Variants in ZNF711 observed in about 807,000 individuals in gnomAD.
ZNF711 encodes the protein ZFX family zinc finger ZNF711.
ZNF711 carries 3 observed loss-of-function variants against 43.5 expected under a neutral mutation model. The ratio of observed to expected loss-of-function variants is 0.07; its 90% CI spans 0.03 to 0.18. The LOEUF (loss-of-function observed/expected upper bound fraction) is 0.18, where lower values mean the gene tolerates loss of function less well. ZNF711 is among the 10% of genes least tolerant of loss of function. The pLI is 1.00. For missense variants in ZNF711, 412 were observed against 604.0 expected (o/e 0.68, Z 3.33); for synonymous variants, 209 against 207.7 (o/e 1.01, Z -0.06).
In ZNF711 at chrX:85,271,919, C is replaced by A. The variant is rs1931601341; in HGVS notation, c.*91C>A. The A allele has an allele frequency of 4.2e-6, 3 of 707,320 alleles. No homozygotes were observed. The highest frequency in any genetic ancestry group is 6.6e-6 in the Non-Finnish European group (3 of 457,566). 58.3% of individuals were successfully genotyped at this position (707,320 alleles called of 1,213,427 possible). ...CTAACTGTCTCACCGGGTTTCAAAGCTTGATACTAAACCATGACTTTACAT... is the reference window on the plus strand; with the variant it reads ...CTAACTGTCTCACCGGGTTTCAAAGATTGATACTAAACCATGACTTTACAT... On this transcript the variant is annotated 3_prime_UTR_variant, in exon 11 of 11. Transcript: ENST00000674551.
chrX:85,254,613 CAAAAAAAAAAAAAAAAAAAAAAAA>C (rs764074077), intron 4 of ZNF711, among the ~76,000 whole-genome samples: 1 of 4,293 alleles, frequency 2.3e-4, no homozygotes, highest in Non-Finnish European at 3.6e-4. Flanking sequence ...GACTCCGTCT[CAAAAAAAAAAAAAAAAAAAAAAAA>C]AAAAAAAAAA....
chrX:85,257,677 A>G (rs1360359925), intron 5 of ZNF711, among the ~76,000 whole-genome samples: 1 of 112,420 alleles, frequency 8.9e-6, no homozygotes, highest in Non-Finnish European at 1.9e-5. Flanking sequence ...TTTCCATTGG[A>G]TGTATACCCA....
chrX:85,258,079 C>CAG (rs1930332138), intron 5 of ZNF711, among the ~76,000 whole-genome samples: 1 of 112,498 alleles, frequency 8.9e-6, no homozygotes, highest in Non-Finnish European at 1.9e-5. Context: ...AAGATACTTT[C>CAG]ACATGCATGT....
intron 5 of ZNF711, 62 bp from the exon 6 acceptor site, chrX:85,264,213 T>G: frequency 1.0e-6 from 1 of 972,977 alleles, no homozygotes; most frequent in Non-Finnish European, 1.4e-6. Context: ...TAATTTTTCT[T>G]GTTTTGTTGT....
chrX:85,257,973 G>A (rs977193224), intron 5 of ZNF711, among the ~76,000 whole-genome samples: 1 of 112,919 alleles, frequency 8.9e-6, no homozygotes, highest in Non-Finnish European at 1.9e-5. Flanking sequence ...AAAACAGTGT[G>A]GAGATCCCTT....
At position 85,270,155 on chromosome X, in the gene ZNF711, T is replaced by C. The variant is rs1245085027; in HGVS notation, c.1246+9T>C. 3 of 1,203,831 alleles carry C rather than the reference T, an allele frequency of 2.5e-6. No individual in the cohort carries two copies. ...CAGGCAGTGGCAAACAGGTAAATAC[T>C]TTGCTTTATGAATATTATAATTATT... On this transcript the variant is annotated intron_variant, in intron 10 of 10. Transcript: ENST00000674551.
In ZNF711 at chrX:85,265,108, A is replaced by G; in HGVS notation, c.779-10A>G. On this transcript the variant is annotated splice_polypyrimidine_tract_variant and intron_variant, in intron 6 of 10. Coordinates refer to ENST00000674551, the MANE Select transcript of ZNF711 (RefSeq NM_001330574.2). The stretch of plus-strand genomic sequence containing the variant: ...ACTTCTCTATTTTAATGCGTGTTTT[A>G]ATTTTTAAGGTGGAACAGAAATTGT... The G allele has an allele frequency of 8.3e-7, 1 of 1,205,537 alleles. No homozygotes were observed.
intron 4 of ZNF711, 52 bp downstream of exon 4, chrX:85,247,703 A>G: frequency 3.0e-6 from 3 of 1,002,530 alleles, no homozygotes; most frequent in Middle Eastern, 5.2e-4. Flanking sequence ...TAAGGGGATA[A>G]TAAAAATCAA....
intron 8 of ZNF711, 105 bp downstream of exon 8, chrX:85,267,520 T>A: frequency 4.6e-6 from 3 of 657,880 alleles, no homozygotes; most frequent in Non-Finnish European, 6.2e-6. Context: ...TTGGCTAATA[T>A]AATAAAATGT....
chrX:85,271,891 T>C lies in ZNF711; in HGVS notation c.*63T>C. 1.1e-6 allele frequency: 1 copy of C among 906,835 alleles called. No homozygotes were observed. Among genetic ancestry groups the C allele is most frequent in the Non-Finnish European group, 1.6e-6 (1 of 628,577 alleles). The allele number at this position is 906,835 out of a possible 1,213,427, so 74.7% of individuals were successfully genotyped here. A position where few individuals can be genotyped will look rare whatever the true frequency, so the allele number is the denominator to read the frequency against. ...TGATATGCTACTTGGGAGAAAACTC[T>C]CACTAACTGTCTCACCGGGTTTCAA... On this transcript the variant is annotated 3_prime_UTR_variant, in exon 11 of 11. Transcript: ENST00000674551.
At chrX:85,254,270 CCA>C (rs968483678) in intron 4 of ZNF711, among the ~76,000 whole-genome samples, 1 of 107,529 alleles carries the variant, frequency 9.3e-6, no homozygotes. Flanking sequence ...GAGATCGAGA[CCA>C]TCCTGGCGAA....
chrX:85,260,723 C>A (rs1288814338), intron 5 of ZNF711, among the ~76,000 whole-genome samples: 1 of 110,321 alleles, frequency 9.1e-6, no homozygotes, highest in East Asian at 2.9e-4. Context: ...TTTTACTTCA[C>A]ATAATGTTTT....
At chrX:85,261,707 G>A (rs992820020) in intron 5 of ZNF711, among the ~76,000 whole-genome samples, 3 of 111,328 alleles carry the variant, frequency 2.7e-5, no homozygotes, top group African/African-American at 9.7e-5. Flanking sequence ...AAACTTTACA[G>A]TGTTGGCAAA....
At chrX:85,264,851 G>A (rs778975976) in intron 6 of ZNF711, among the ~76,000 whole-genome samples, 6 of 110,211 alleles carry the variant, frequency 5.4e-5, no homozygotes, top group Non-Finnish European at 9.5e-5. Context: ...CTACCTATAG[G>A]GCTGTTGTGA....
At position 85,270,027 on chromosome X, in the gene ZNF711, A is replaced by G. The variant is rs1216554237; in HGVS notation, c.1127A>G (p.Glu376Gly). The change falls in exon 10 of 11, where the codon GAA (glutamate) becomes GGA (glycine). Residue 376 changes from glutamate to glycine, a missense_variant. Physicochemically the swap from Glu to Gly is moderately conservative, Grantham distance 98. Coordinates refer to ENST00000674551, the MANE Select transcript of ZNF711 (RefSeq NM_001330574.2). ...GGAAATACTTTGGACTCAGCATTAG[A>G]AAGCAGAAGTAGTACAGCAGCACAG... ...ASGNTLDSAL[E>G]SRSSTAAQYL... 8.3e-7 allele frequency: 1 copy of G among 1,210,750 alleles called. No individual in the cohort carries two copies.
In ZNF711 at chrX:85,247,512, A is replaced by T. The variant is rs1602948082; in HGVS notation, c.-26-35A>T. On this transcript the variant is annotated intron_variant, in intron 3 of 10. Coordinates refer to ENST00000674551, the MANE Select transcript of ZNF711 (RefSeq NM_001330574.2). ...CAAAACAACTAACTTTGGACTAAAT[A>T]TATTAAACTATTTTAAAAGCCATTT... 3.2e-5 allele frequency: 32 copies of T among 1,004,909 alleles called. No individual in the cohort carries two copies. The East Asian group carries it at 9.8e-4, about 31-fold the overall frequency. 82.8% of individuals were successfully genotyped at this position (1,004,909 alleles called of 1,213,427 possible).
At chrX:85,257,758 A>G (rs1215803638) in intron 5 of ZNF711, among the ~76,000 whole-genome samples, 1 of 113,339 alleles carries the variant, frequency 8.8e-6, no homozygotes, top group Non-Finnish European at 1.9e-5. Flanking sequence ...TGCTTTCCAC[A>G]GTGGCTGAAC....
At position 85,271,051 on chromosome X, in the gene ZNF711, T is replaced by C. The variant is rs1931531191; in HGVS notation, c.1647T>C (p.Phe549=). The C allele has an allele frequency of 8.3e-7, 1 of 1,211,234 alleles. No homozygotes were observed. Among genetic ancestry groups the C allele is most frequent in the African/African-American group, 1.7e-5 (1 of 57,751 alleles). Residue 549 remains phenylalanine, a synonymous_variant, in exon 11 of 11, where the codon TTT becomes TTC. Coordinates refer to ENST00000674551, the MANE Select transcript of ZNF711 (RefSeq NM_001330574.2). ...TGTTGGCCGTTCACAGCAAGAATTT[T>C]CCTCATGTTTGTGTTGAGTGTGGGA... The part of the protein sequence containing the change: ...RHLLAVHSKN[F]PHVCVECGKG...
At chrX:85,260,606 C>CT (rs1491551240) in intron 5 of ZNF711, among the ~76,000 whole-genome samples, 2 of 27,928 alleles carry the variant, frequency 7.2e-5, no homozygotes, top group African/African-American at 1.2e-4. Flanking sequence ...TAGCTGTTAG[C>CT]CCCCCCCCCA....
Sources: gnomAD v4.1 joint callset for allele counts (sites outside exome capture counted in the v4.1 genomes callset) on GRCh38, gnomAD v4.1.1 for gene constraint, MANE v1.5 for transcripts, NCBI Gene and HGNC (gene_info 2026-07-23, HGNC 2026-07-21) for gene names.